The following CSGALNACT1 variants were observed in gnomAD, a reference collection of about 807,000 sequenced individuals.
The protein encoded by CSGALNACT1 is chondroitin sulfate N-acetylgalactosaminyltransferase 1.
A neutral mutation model predicts 51.0 loss-of-function variants in CSGALNACT1; 52 were observed. That is an observed-to-expected ratio of 1.02 (90% CI 0.82 to 1.29). The LOEUF is 1.29. Ranked by LOEUF, CSGALNACT1 falls within the 50% of genes most tolerant of loss-of-function variation. The pLI is 0.00. For missense variants in CSGALNACT1, 935 were observed against 679.2 expected, an observed-to-expected ratio of 1.38 and a Z score of -4.19; for synonymous variants, 341 against 254.4, an observed-to-expected ratio of 1.34 and a Z score of -3.24.
At chr8:19,451,790 G>C (rs550612374) in intron 5 of CSGALNACT1, among the ~76,000 whole-genome samples, 1 of 152,324 alleles carries the variant, frequency 6.6e-6, no homozygotes, top group East Asian at 1.9e-4. Context: ...ACAAATTGAT[G>C]CTGATGTGGA....
chr8:19,469,474 A>G (rs967365884), intron 4 of CSGALNACT1, among the ~76,000 whole-genome samples: 15 of 152,212 alleles, frequency 9.9e-5, no homozygotes, highest in East Asian at 3.9e-4. Context: ...AGTCTTATCA[A>G]TAAGTTTCAG....
intron 1 of CSGALNACT1, among the ~76,000 whole-genome samples, chr8:19,687,667 G>A (rs1433747633): frequency 1.3e-5 from 2 of 152,178 alleles, no homozygotes; most frequent in African/African-American, 4.8e-5. Flanking sequence ...TTAAAGACAT[G>A]CAGTTCCAGA....
At chr8:19,548,167 G>A (rs760470568) in intron 3 of CSGALNACT1, among the ~76,000 whole-genome samples, 1 of 152,146 alleles carries the variant, frequency 6.6e-6, no homozygotes, top group African/African-American at 2.4e-5. Context: ...GAGAGGAGAG[G>A]CAACTTGCCC....
At chr8:19,649,057 A>G (rs2057534604) in intron 1 of CSGALNACT1, among the ~76,000 whole-genome samples, 1 of 152,196 alleles carries the variant, frequency 6.6e-6, no homozygotes, top group Non-Finnish European at 1.5e-5. Flanking sequence ...ATATAACATT[A>G]ATAGTTGATA....
At chr8:19,441,113 G>T (rs1333958118) in intron 5 of CSGALNACT1, among the ~76,000 whole-genome samples, 1 of 152,168 alleles carries the variant, frequency 6.6e-6, no homozygotes, top group South Asian at 2.1e-4. Flanking sequence ...TGGGTAGGAA[G>T]AATCAATATC....
intron 1 of CSGALNACT1, among the ~76,000 whole-genome samples, chr8:19,674,138 A>G (rs2154199557): frequency 6.6e-6 from 1 of 152,276 alleles, no homozygotes; most frequent in Non-Finnish European, 1.5e-5. Flanking sequence ...AAATACGAAA[A>G]AAGAATTAGC....
chr8:19,466,141 GA>G (rs904898930), intron 4 of CSGALNACT1, among the ~76,000 whole-genome samples: 5 of 151,696 alleles, frequency 3.3e-5, no homozygotes, highest in African/African-American at 4.8e-5. Flanking sequence ...ATTTTTAATG[GA>G]AAAAAAATAT....
chr8:19,723,100 C>T (rs1055491277), intron 1 of CSGALNACT1, among the ~76,000 whole-genome samples: 1 of 152,172 alleles, frequency 6.6e-6, no homozygotes, highest in African/African-American at 2.4e-5. Flanking sequence ...AATTTATTTT[C>T]TCAGATTACC....
intron 1 of CSGALNACT1, among the ~76,000 whole-genome samples, chr8:19,637,318 T>C (rs1400693847): frequency 6.6e-6 from 1 of 152,248 alleles, no homozygotes; most frequent in African/African-American, 2.4e-5. Flanking sequence ...CAAAAGCCTT[T>C]ATTTTCTCAA....
rs2059260876 is a variant in CSGALNACT1 at position 19,666,827 on chromosome 8, GAGAGAGAAAGAAAGAAAGAAAGAAAGAA to G, written c.-544+15618_-544+15645del. Among the ~76,000 whole-genome samples, 14 of 39,962 alleles carry G rather than the reference GAGAGAGAAAGAAAGAAAGAAAGAAAGAA, an allele frequency of 3.5e-4. 1 individual carries two copies. Among genetic ancestry groups the G allele is most frequent in the African/African-American group, 1.1e-3 (10 of 9,100 alleles). 26.2% of individuals were successfully genotyped at this position (39,962 alleles called of 152,430 possible). On this transcript the variant is annotated intron_variant, in intron 1 of 9. Transcript: ENST00000332246. ...AGAAAGAAAGAGAGAGAGAGAGAGA[GAGAGAGAAAGAAAGAAAGAAAGAAAGAA>G]AGAAAGAAAGAAAGAAAGAAAGAAA...
chr8:19,560,435 TAAAG>T (rs1006845710), intron 3 of CSGALNACT1, among the ~76,000 whole-genome samples: 3 of 152,002 alleles, frequency 2.0e-5, no homozygotes, highest in Admixed American at 6.6e-5. Flanking sequence ...AGAACCACCA[TAAAG>T]AGAGTTAAAA....
At chr8:19,436,734 C>A (rs1013135110) in intron 6 of CSGALNACT1, among the ~76,000 whole-genome samples, 3 of 152,014 alleles carry the variant, frequency 2.0e-5, no homozygotes, top group Non-Finnish European at 2.9e-5. Flanking sequence ...TAGGGAGACA[C>A]TGGCTCTACA....
intron 1 of CSGALNACT1, among the ~76,000 whole-genome samples, chr8:19,676,917 G>A (rs982039045): frequency 2.6e-5 from 4 of 152,144 alleles, no homozygotes; most frequent in Admixed American, 6.6e-5. Flanking sequence ...TTAGAACTGA[G>A]AGCAACCAAC....
At chr8:19,605,873 A>T (rs967511837), upstream of CSGALNACT1, among the ~76,000 whole-genome samples, 13 of 152,342 alleles carry the variant, frequency 8.5e-5, no homozygotes, top group African/African-American at 3.1e-4. Flanking sequence ...AAATGAGTAC[A>T]TTGAGATCAA....
rs146670893 is a variant in CSGALNACT1 at position 19,645,892 on chromosome 8, C to A, written c.-544+36581G>T. ...CCCCACACCAACTCCAAACTCCACA[C>A]AGCCTAGAAAAAAATGAGGATAAAA... On this transcript the variant is annotated intron_variant, in intron 1 of 9. Transcript: ENST00000332246. 2.8e-4 allele frequency among the ~76,000 whole-genome samples: 42 copies of A among 152,230 alleles called. No homozygotes were observed. In the East Asian group the frequency reaches 7.0e-3, roughly 25 times the overall value.
intron 3 of CSGALNACT1, among the ~76,000 whole-genome samples, chr8:19,515,669 G>GATCACAACCACAAGC (rs2079379106): frequency 6.6e-6 from 1 of 152,178 alleles, no homozygotes; most frequent in Non-Finnish European, 1.5e-5. Context: ...AAAGCACACT[G>GATCACAACCACAAGC]ATCACAACCA....
intron 1 of CSGALNACT1, among the ~76,000 whole-genome samples, chr8:19,728,987 G>T (rs928544162): frequency 1.3e-5 from 2 of 151,932 alleles, no homozygotes; most frequent in African/African-American, 4.8e-5. Context: ...ATTTTCAAAG[G>T]TTCCTACTGT....
rs112141891 is a variant in CSGALNACT1, at chr8:19,500,271, C to G, written c.634+4930G>C. 2.2e-3 allele frequency among the ~76,000 whole-genome samples: 335 copies of G among 152,258 alleles called. 4 individuals carry two copies. The highest frequency in any genetic ancestry group is 7.7e-3 in the African/African-American group (322 of 41,550). Reference sequence around the variant, plus strand: ...TGGCTCAGAGTTCCCAAGCCCAACTCACACCCTGATGGCCTTTTGCTGTCC... The same window carrying G: ...TGGCTCAGAGTTCCCAAGCCCAACTGACACCCTGATGGCCTTTTGCTGTCC... On this transcript the variant is annotated intron_variant, in intron 4 of 9. Coordinates refer to ENST00000454498, the Ensembl canonical transcript of CSGALNACT1.
chr8:19,654,925 A>C (rs543858775), intron 1 of CSGALNACT1, among the ~76,000 whole-genome samples: 175 of 152,238 alleles, frequency 1.1e-3, no homozygotes, highest in African/African-American at 4.0e-3. Context: ...ATTTCAAAGA[A>C]AGTATTCCCC....
Sources: allele counts gnomAD v4.1 joint callset (sites outside exome capture counted in the v4.1 genomes callset), GRCh38; gene constraint gnomAD v4.1.1; transcripts MANE v1.5; gene names NCBI Gene and HGNC (gene_info 2026-07-23, HGNC 2026-07-21).